XRCC4: variants seen among roughly 807,000 people sequenced by gnomAD.
XRCC4 encodes the protein DNA repair protein XRCC4.
XRCC4 carries 28 observed loss-of-function variants against 39.1 expected under a neutral mutation model. The observed-to-expected ratio is 0.72, with a 90% confidence interval of 0.53 to 0.98. XRCC4 has a LOEUF of 0.98. Among genes scored for constraint, XRCC4 ranks in the 50% least tolerant of loss-of-function variants. XRCC4 has a pLI of 0.00. For missense variants in XRCC4, 350 were observed against 376.4 expected, an observed-to-expected ratio of 0.93 and a Z score of 0.58; for synonymous variants, 123 against 126.4, an observed-to-expected ratio of 0.97 and a Z score of 0.18.
chr5:83,192,601 G>A (rs573263938), intron 3 of XRCC4, among the ~76,000 whole-genome samples: 3 of 152,126 alleles, frequency 2.0e-5, no homozygotes, highest in East Asian at 1.9e-4. Context: ...TGGAGCCACC[G>A]CACCTGGCCG....
At chr5:83,131,458 G>T (rs904116917) in intron 3 of XRCC4, among the ~76,000 whole-genome samples, 2 of 152,144 alleles carry the variant, frequency 1.3e-5, no homozygotes, top group East Asian at 3.9e-4. Context: ...TCATTGATCT[G>T]TCTAATGTTG....
At chr5:83,264,638 T>TGA (rs1369787083) in intron 7 of XRCC4, among the ~76,000 whole-genome samples, 1 of 152,084 alleles carries the variant, frequency 6.6e-6, no homozygotes, top group Non-Finnish European at 1.5e-5. Flanking sequence ...TGACCACCGT[T>TGA]GAGACCTGGT....
chr5:83,186,778 A>G (rs1426430907), intron 3 of XRCC4, among the ~76,000 whole-genome samples: 1 of 152,182 alleles, frequency 6.6e-6, no homozygotes, highest in African/African-American at 2.4e-5. Flanking sequence ...ACATAAATAT[A>G]TATTTTACTT....
At chr5:83,305,238 G>C (rs904748120) in intron 7 of XRCC4, among the ~76,000 whole-genome samples, 7 of 151,892 alleles carry the variant, frequency 4.6e-5, no homozygotes, top group Admixed American at 4.6e-4. Flanking sequence ...TACAATTAGT[G>C]AACCAATATT....
chr5:83,185,168 T>C (rs1750379432), intron 3 of XRCC4, among the ~76,000 whole-genome samples: 1 of 152,000 alleles, frequency 6.6e-6, no homozygotes, highest in Non-Finnish European at 1.5e-5. Flanking sequence ...AGCTATAGTG[T>C]AGGACGTCTG....
intron 6 of XRCC4, among the ~76,000 whole-genome samples, chr5:83,244,979 T>C (rs935741840): frequency 6.6e-6 from 1 of 152,138 alleles, no homozygotes; most frequent in East Asian, 1.9e-4. Context: ...TGTTTTGAAG[T>C]AAAATATGCA....
intron 1 of XRCC4, among the ~76,000 whole-genome samples, chr5:83,080,577 C>G (rs890068349): frequency 6.6e-6 from 1 of 151,898 alleles, no homozygotes; most frequent in Admixed American, 6.6e-5. Flanking sequence ...AAATAGCATG[C>G]CTTTCTGAGT....
chr5:83,347,003 TATG>T (rs1756935985), intron 7 of XRCC4, among the ~76,000 whole-genome samples: 1 of 152,262 alleles, frequency 6.6e-6, no homozygotes, highest in East Asian at 1.9e-4. Context: ...ATGAAAAAAA[TATG>T]ATAAATATGC....
intron 7 of XRCC4, among the ~76,000 whole-genome samples, chr5:83,320,849 T>G: frequency 6.8e-6 from 1 of 146,730 alleles, no homozygotes; most frequent in Non-Finnish European, 1.5e-5. Flanking sequence ...TCTCGCTCTG[T>G]CACCCAGGCT....
At chr5:83,328,914 C>A (rs1756350559) in intron 7 of XRCC4, among the ~76,000 whole-genome samples, 1 of 151,924 alleles carries the variant, frequency 6.6e-6, no homozygotes, top group South Asian at 2.1e-4. Flanking sequence ...AATATTATGA[C>A]AATTGAGTTT....
intron 2 of XRCC4, among the ~76,000 whole-genome samples, chr5:83,110,312 T>C (rs1291213581): frequency 6.6e-6 from 1 of 152,004 alleles, no homozygotes; most frequent in Non-Finnish European, 1.5e-5. Flanking sequence ...TATTTAAATA[T>C]TTAAAAGAAG....
chr5:83,173,944 T>C (rs956237186), intron 3 of XRCC4, among the ~76,000 whole-genome samples: 2 of 152,212 alleles, frequency 1.3e-5, no homozygotes, highest in Non-Finnish European at 2.9e-5. Context: ...CTTTTTCTTG[T>C]GTGTTTATCC....
At chr5:83,333,527 C>T (rs1002411961) in intron 7 of XRCC4, among the ~76,000 whole-genome samples, 4 of 152,112 alleles carry the variant, frequency 2.6e-5, no homozygotes, top group Admixed American at 1.3e-4. Context: ...ACACAAAACA[C>T]TTATCATCTG....
At chr5:83,362,316 A>AAAAAAAC in the XRCC4 span, among the ~76,000 whole-genome samples, 1 of 145,950 alleles carries the variant, frequency 6.9e-6, no homozygotes, top group African/African-American at 2.8e-5. Context: ...AAAAAAAAAA[A>AAAAAAAC]AACTATCTCA....
chr5:83,337,766 A>G (rs1044242627), intron 7 of XRCC4, among the ~76,000 whole-genome samples: 2 of 152,202 alleles, frequency 1.3e-5, no homozygotes, highest in Non-Finnish European at 2.9e-5. Flanking sequence ...GGTTTATTAC[A>G]CAACTGTGAT....
At chr5:83,242,397 TAAAC>T (rs1310501625) in intron 6 of XRCC4, among the ~76,000 whole-genome samples, 6 of 152,252 alleles carry the variant, frequency 3.9e-5, no homozygotes, top group East Asian at 1.9e-4. Context: ...TTAAAACAAA[TAAAC>T]AAGAAATATT....
chr5:83,143,103 G>C (rs556186010), intron 3 of XRCC4, among the ~76,000 whole-genome samples: 1 of 152,008 alleles, frequency 6.6e-6, no homozygotes, highest in African/African-American at 2.4e-5. Context: ...CTATTTTACA[G>C]GTGCCTCATA....
intron 3 of XRCC4, among the ~76,000 whole-genome samples, chr5:83,157,196 C>T (rs1340390699): frequency 6.6e-6 from 1 of 152,090 alleles, no homozygotes; most frequent in Non-Finnish European, 1.5e-5. Context: ...AAAGAGTAAG[C>T]TGATCCAGAG....
chr5:83,235,363 GA>G (rs1027128712), intron 6 of XRCC4, among the ~76,000 whole-genome samples: 68 of 139,288 alleles, frequency 4.9e-4, no homozygotes, highest in Admixed American at 1.6e-3. Context: ...AGAAAGAAAG[GA>G]AAAAAAAAAG....
Sources: gnomAD v4.1 joint callset for allele counts (sites outside exome capture counted in the v4.1 genomes callset) on GRCh38, gnomAD v4.1.1 for gene constraint, MANE v1.5 for transcripts, NCBI Gene and HGNC (gene_info 2026-07-23, HGNC 2026-07-21) for gene names.